The following CSMD1 variants were observed in gnomAD, a reference collection of about 807,000 sequenced individuals.
CSMD1 encodes the protein CUB and sushi domain-containing protein 1.
In CSMD1, 213 loss-of-function variants were observed where a neutral mutation model predicts 417.5. The ratio of observed to expected loss-of-function variants is 0.51; its 90% CI spans 0.46 to 0.57. The LOEUF is 0.57. CSMD1 is among the 20% of genes least tolerant of loss of function. CSMD1 has a pLI of 0.00. For synonymous variants in CSMD1, 2,862 were observed against 1,736.8 expected, an observed-to-expected ratio of 1.65 and a Z score of -16.11; for missense variants, 6,923 against 4,529.7, an observed-to-expected ratio of 1.53 and a Z score of -15.17.
At chr8:2,987,933 G>C (rs1475295833) in intron 54 of CSMD1, among the ~76,000 whole-genome samples, 2 of 152,154 alleles carry the variant, frequency 1.3e-5, no homozygotes, top group Non-Finnish European at 2.9e-5. Flanking sequence ...GGATGTGCAG[G>C]TTTGTTCCAT....
At chr8:3,027,133 T>A (rs1389920085) in intron 51 of CSMD1, among the ~76,000 whole-genome samples, 1 of 152,216 alleles carries the variant, frequency 6.6e-6, no homozygotes, top group African/African-American at 2.4e-5. Flanking sequence ...ATGTTTAAAA[T>A]ATATATAGTA....
At chr8:4,175,386 C>G (rs1797985209) in intron 3 of CSMD1, among the ~76,000 whole-genome samples, 1 of 152,256 alleles carries the variant, frequency 6.6e-6, no homozygotes, top group East Asian at 1.9e-4. Context: ...GTCTGATCTT[C>G]TCTCTTACCT....
At chr8:3,954,919 T>A (rs1349747394) in intron 5 of CSMD1, among the ~76,000 whole-genome samples, 1 of 152,200 alleles carries the variant, frequency 6.6e-6, no homozygotes, top group Non-Finnish European at 1.5e-5. Context: ...TCCATCTTTG[T>A]CCTTTAACAC....
intron 2 of CSMD1, among the ~76,000 whole-genome samples, chr8:4,437,533 A>G (rs143060606): frequency 5.1e-4 from 77 of 152,248 alleles, no homozygotes; most frequent in African/African-American, 1.8e-3. Context: ...CATTTATTTC[A>G]TATTTATATT....
intron 3 of CSMD1, among the ~76,000 whole-genome samples, chr8:4,071,734 T>G (rs1212640157): frequency 3.3e-5 from 5 of 152,214 alleles, no homozygotes; most frequent in African/African-American, 1.2e-4. Flanking sequence ...TCCAAAAAGT[T>G]GATGAATATA....
intron 2 of CSMD1, among the ~76,000 whole-genome samples, chr8:4,486,551 A>G (rs1801426910): frequency 6.6e-6 from 1 of 152,018 alleles, no homozygotes; most frequent in Admixed American, 6.6e-5. Context: ...TTTTGAAGTA[A>G]GCATAACAGA....
At chr8:3,909,441 G>A (rs185717641) in intron 5 of CSMD1, among the ~76,000 whole-genome samples, 21 of 152,210 alleles carry the variant, frequency 1.4e-4, no homozygotes, top group Non-Finnish European at 2.1e-4. Flanking sequence ...GCAGAAAAAG[G>A]CAGAACACAC....
chr8:3,910,747 C>T (rs1314635409), intron 5 of CSMD1, among the ~76,000 whole-genome samples: 1 of 152,138 alleles, frequency 6.6e-6, no homozygotes, highest in Non-Finnish European at 1.5e-5. Context: ...GAATTCGGTG[C>T]TTCTTTAGAG....
intron 5 of CSMD1, among the ~76,000 whole-genome samples, chr8:3,996,837 C>T (rs749238124): frequency 6.6e-6 from 1 of 152,160 alleles, no homozygotes; most frequent in Non-Finnish European, 1.5e-5. Context: ...CAGCATTGAG[C>T]CTTGTGATTT....
Position 3,284,353 on chromosome 8 carries a change from G to C in CSMD1, c.3951-7C>G, listed in dbSNP as rs373861311. On this transcript the variant is annotated splice_polypyrimidine_tract_variant and splice_region_variant and intron_variant, in intron 25 of 69. Coordinates refer to ENST00000635120, the MANE Select transcript of CSMD1 (RefSeq NM_033225.6). ...GAAAACAATGAAATGGAGGCTGCAA[G>C]AGAGAACACAGTAGCGCTACTTGCC... is the stretch of plus-strand genomic sequence containing the variant. 23 of 1,609,320 alleles carry C rather than the reference G, an allele frequency of 1.4e-5. No individual in the cohort carries two copies. The highest frequency in any genetic ancestry group is 2.2e-5 in the East Asian group (1 of 44,860).
At chr8:4,371,917 C>T (rs547125492) in intron 3 of CSMD1, among the ~76,000 whole-genome samples, 19 of 152,242 alleles carry the variant, frequency 1.2e-4, no homozygotes, top group African/African-American at 4.6e-4. Context: ...GTGTGGATTT[C>T]ACAAGAGTAA....
chr8:3,984,860 A>G (rs1814200268), intron 5 of CSMD1, among the ~76,000 whole-genome samples: 1 of 150,992 alleles, frequency 6.6e-6, no homozygotes, highest in Non-Finnish European at 1.5e-5. Context: ...AAAGCCAGAA[A>G]TGAAGAGAAA....
At chr8:3,829,184 C>T (rs1802230706) in intron 5 of CSMD1, among the ~76,000 whole-genome samples, 1 of 152,164 alleles carries the variant, frequency 6.6e-6, no homozygotes, top group African/African-American at 2.4e-5. Context: ...GCCCTCCTTT[C>T]ACTTTTCCCC....
chr8:4,946,919 C>T (rs996525647), intron 1 of CSMD1, among the ~76,000 whole-genome samples: 9 of 152,126 alleles, frequency 5.9e-5, no homozygotes, highest in African/African-American at 1.9e-4. Context: ...AAAGACAGAG[C>T]ATATGTACAT....
intron 10 of CSMD1, among the ~76,000 whole-genome samples, chr8:3,497,465 G>A (rs1361726614): frequency 6.6e-6 from 1 of 152,130 alleles, no homozygotes; most frequent in Non-Finnish European, 1.5e-5. Context: ...GGAGTGCAGT[G>A]GTGCAATCTC....
At chr8:4,395,164 T>G (rs1309133984) in intron 3 of CSMD1, among the ~76,000 whole-genome samples, 2 of 152,132 alleles carry the variant, frequency 1.3e-5, no homozygotes, top group Non-Finnish European at 2.9e-5. Context: ...GACACTCCCT[T>G]AGAACAACCC....
At chr8:4,685,183 C>A (rs779384780) in intron 1 of CSMD1, among the ~76,000 whole-genome samples, 2 of 152,158 alleles carry the variant, frequency 1.3e-5, no homozygotes, top group African/African-American at 2.4e-5. Context: ...AGAAAGGGCA[C>A]AAGGAATCTC....
chr8:3,748,992 A>T lies in CSMD1; in HGVS notation c.931+4938T>A, dbSNP rs147936360. ...GTTACAGAAAATCAATGGGAATTTC[A>T]TTTTATGAAAATTGTAATTTTATAA... On this transcript the variant is annotated intron_variant, in intron 6 of 69. Transcript: ENST00000635120. Among the ~76,000 whole-genome samples, 5 of 152,332 alleles carry T rather than the reference A, an allele frequency of 3.3e-5. No homozygotes were observed. In the East Asian group the frequency reaches 9.7e-4, roughly 29 times the overall value.
At chr8:4,436,617 A>C (rs767125426) in intron 2 of CSMD1, among the ~76,000 whole-genome samples, 1 of 152,040 alleles carries the variant, frequency 6.6e-6, no homozygotes. Flanking sequence ...AATAGGTCTT[A>C]TTCCTTCTTC....
Sources: allele counts gnomAD v4.1 joint callset (sites outside exome capture counted in the v4.1 genomes callset), GRCh38; gene constraint gnomAD v4.1.1; transcripts MANE v1.5; gene names NCBI Gene and HGNC (gene_info 2026-07-23, HGNC 2026-07-21).